Variants in SDK1 observed in about 807,000 individuals in gnomAD.
SDK1 encodes the protein protein sidekick-1.
SDK1 carries 157 observed loss-of-function variants against 245.5 expected under a neutral mutation model. The ratio of observed to expected loss-of-function variants is 0.64; its 90% CI spans 0.56 to 0.73. The LOEUF is 0.73. SDK1 is among the 30% of genes least tolerant of loss of function. The pLI, the probability that SDK1 is intolerant of heterozygous loss-of-function variation, is 0.00. For missense variants in SDK1, 3,583 were observed against 3,002.3 expected (o/e 1.19, Z -4.52); for synonymous variants, 1,647 against 1,278.5 (o/e 1.29, Z -6.15).
intron 22 of SDK1, among the ~76,000 whole-genome samples, chr7:4,110,369 A>G (rs1170360540): frequency 6.6e-6 from 1 of 152,184 alleles, no homozygotes; most frequent in Non-Finnish European, 1.5e-5. Context: ...GATGGCCTCC[A>G]AGCCCTCAGA....
intron 35 of SDK1, among the ~76,000 whole-genome samples, chr7:4,197,712 C>T (rs184638417): frequency 6.6e-6 from 1 of 152,158 alleles, no homozygotes; most frequent in Non-Finnish European, 1.5e-5. Flanking sequence ...CTCGTTTGCT[C>T]CTGGGTCTTG....
At chr7:3,920,860 T>C (rs926761616) in intron 5 of SDK1, among the ~76,000 whole-genome samples, 6 of 152,138 alleles carry the variant, frequency 3.9e-5, no homozygotes, top group African/African-American at 1.4e-4. Context: ...GATCTCGCAA[T>C]TGAGTGCTGA....
chr7:3,672,851 C>G (rs1284980549), intron 4 of SDK1, among the ~76,000 whole-genome samples: 2 of 128,530 alleles, frequency 1.6e-5, no homozygotes, highest in South Asian at 4.9e-4. Flanking sequence ...AAATAGGCAC[C>G]TACAATGAGG....
intron 4 of SDK1, among the ~76,000 whole-genome samples, chr7:3,644,606 A>G (rs1266015205): frequency 6.6e-6 from 1 of 151,228 alleles, no homozygotes. Context: ...TCTACTGAAA[A>G]TTAAAAAAAA....
At chr7:3,824,436 G>T (rs1172465659) in intron 5 of SDK1, among the ~76,000 whole-genome samples, 2 of 152,184 alleles carry the variant, frequency 1.3e-5, no homozygotes, top group Non-Finnish European at 2.9e-5. Flanking sequence ...ACACCATCGG[G>T]ATGATCGGGT....
intron 4 of SDK1, among the ~76,000 whole-genome samples, chr7:3,810,658 A>G (rs189500679): frequency 4.1e-4 from 62 of 152,364 alleles, no homozygotes; most frequent in African/African-American, 1.4e-3. Context: ...AGTTACATCA[A>G]CAGTTACCCT....
chr7:4,255,075 G>T (rs1787544922), intron 44 of SDK1, among the ~76,000 whole-genome samples: 1 of 152,232 alleles, frequency 6.6e-6, no homozygotes, highest in South Asian at 2.1e-4. Context: ...GTTGCCAGAT[G>T]CTGTCAGTCT....
intron 1 of SDK1, among the ~76,000 whole-genome samples, chr7:3,329,711 C>G (rs1475025039): frequency 6.6e-6 from 1 of 152,164 alleles, no homozygotes; most frequent in Non-Finnish European, 1.5e-5. Flanking sequence ...ACAGTTGGTT[C>G]TCTGCATTGG....
intron 4 of SDK1, among the ~76,000 whole-genome samples, chr7:3,756,072 C>A (rs989715987): frequency 1.3e-5 from 2 of 150,676 alleles, no homozygotes; most frequent in Non-Finnish European, 2.9e-5. Context: ...AATCTGACTC[C>A]TTTCACATGG....
At chr7:4,233,543 C>T in intron 41 of SDK1, 124 bp downstream of exon 41, 1 of 918,016 alleles carries the variant, frequency 1.1e-6, no homozygotes, top group Non-Finnish European at 1.6e-6. Context: ...TCGAGGGGGA[C>T]CCAGGGAGGT....
chr7:3,435,757 G>A (rs1780003566), intron 1 of SDK1, among the ~76,000 whole-genome samples: 1 of 152,036 alleles, frequency 6.6e-6, no homozygotes. Flanking sequence ...TCTTCTAAGG[G>A]ACATCTTGTG....
chr7:3,840,203 G>C (rs1780122748), intron 5 of SDK1, among the ~76,000 whole-genome samples: 1 of 152,146 alleles, frequency 6.6e-6, no homozygotes, highest in African/African-American at 2.4e-5. Context: ...AGTGAAAGTG[G>C]TAATAAGAGG....
At chr7:3,483,377 T>G (rs1265045169) in intron 1 of SDK1, among the ~76,000 whole-genome samples, 1 of 152,192 alleles carries the variant, frequency 6.6e-6, no homozygotes, top group Non-Finnish European at 1.5e-5. Flanking sequence ...ATGCTTAAAT[T>G]GGCTATATTG....
At chr7:4,190,023 G>A (rs1783101153) in intron 35 of SDK1, among the ~76,000 whole-genome samples, 3 of 152,122 alleles carry the variant, frequency 2.0e-5, no homozygotes, top group South Asian at 4.1e-4. Flanking sequence ...AGCTGTTTCA[G>A]CTCCCGCTAG....
chr7:3,761,033 C>A (rs948881026), intron 4 of SDK1, among the ~76,000 whole-genome samples: 9 of 152,158 alleles, frequency 5.9e-5, no homozygotes, highest in African/African-American at 2.2e-4. Context: ...TGGGAACTTA[C>A]ATTTTCAATT....
At chr7:4,119,580 T>C (rs1783933174) in intron 25 of SDK1, among the ~76,000 whole-genome samples, 1 of 148,698 alleles carries the variant, frequency 6.7e-6, no homozygotes, top group African/African-American at 2.5e-5. Flanking sequence ...CTGAAATAGT[T>C]ACATATCATA....
At chr7:3,770,695 G>A (rs1327416499) in intron 4 of SDK1, among the ~76,000 whole-genome samples, 1 of 152,060 alleles carries the variant, frequency 6.6e-6, no homozygotes, top group Non-Finnish European at 1.5e-5. Flanking sequence ...TAGTGGGGAA[G>A]GAACATCCTT....
intron 5 of SDK1, among the ~76,000 whole-genome samples, chr7:3,842,936 C>T (rs1439278175): frequency 6.6e-6 from 1 of 152,096 alleles, no homozygotes; most frequent in Non-Finnish European, 1.5e-5. Flanking sequence ...CCCAGAAGAA[C>T]ATGTATCGGC....
intron 1 of SDK1, among the ~76,000 whole-genome samples, chr7:3,558,668 G>A (rs1001122569): frequency 7.2e-5 from 11 of 152,212 alleles, no homozygotes; most frequent in Non-Finnish European, 1.5e-4. Context: ...TCCAGCAGCT[G>A]CTGAAGCCTG....
Sources: gnomAD v4.1 joint callset for allele counts (sites outside exome capture counted in the v4.1 genomes callset) on GRCh38, gnomAD v4.1.1 for gene constraint, MANE v1.5 for transcripts, NCBI Gene and HGNC (gene_info 2026-07-23, HGNC 2026-07-21) for gene names.